PLCB4: variants seen among roughly 807,000 people sequenced by gnomAD.
The protein encoded by PLCB4 is 1-phosphatidylinositol 4,5-bisphosphate phosphodiesterase beta-4.
A neutral mutation model predicts 178.8 loss-of-function variants in PLCB4; 77 were observed. The ratio of observed to expected loss-of-function variants is 0.43; its 90% CI spans 0.36 to 0.52. The LOEUF (loss-of-function observed/expected upper bound fraction) is 0.52. PLCB4 is among the 20% of genes least tolerant of loss of function. The probability of loss-of-function intolerance (pLI) is 0.00; values close to 1 mark genes in which losing one functional copy is unlikely to be tolerated. For synonymous variants in PLCB4, 496 were observed against 490.8 expected, an observed-to-expected ratio of 1.01 and a Z score of -0.14; for missense variants, 1,024 against 1,453.4, an observed-to-expected ratio of 0.70 and a Z score of 4.80.
At chr20:9,349,348 C>T (rs2034120474) in intron 7 of PLCB4, among the ~76,000 whole-genome samples, 1 of 152,154 alleles carries the variant, frequency 6.6e-6, no homozygotes, top group South Asian at 2.1e-4. Context: ...TTTTATTCCC[C>T]ACACACTTTC....
chr20:9,406,987 G>C (rs1252199288), intron 21 of PLCB4, among the ~76,000 whole-genome samples: 2 of 152,018 alleles, frequency 1.3e-5, no homozygotes, highest in African/African-American at 4.8e-5. Flanking sequence ...TCTTTTTTCT[G>C]TATGCAAAGT....
intron 26 of PLCB4, among the ~76,000 whole-genome samples, chr20:9,420,220 G>T (rs989645323): frequency 2.6e-5 from 4 of 152,156 alleles, no homozygotes; most frequent in Non-Finnish European, 5.9e-5. Flanking sequence ...GGGAGGAATG[G>T]GTTACAAAAG....
chr20:9,141,952 C>T (rs73609438), intron 2 of PLCB4, among the ~76,000 whole-genome samples: 3,346 of 152,006 alleles, frequency 0.022, 107 homozygotes, highest in African/African-American at 0.075. Context: ...CTTTCACACA[C>T]CAAAGGCAGT....
chr20:9,443,841 A>T lies in PLCB4; in HGVS notation c.2765-140A>T, dbSNP rs1602771549. ...GTCCAGTTAATTGCTTTGTAATAGG[A>T]ACTTAAGATGTTTATATTCATCATA... On this transcript the variant is annotated intron_variant, in intron 30 of 39. Coordinates refer to ENST00000378473, the MANE Select transcript of PLCB4 (RefSeq NM_001377142.1). 1.9e-5 allele frequency: 11 copies of T among 574,408 alleles called. No individual in the cohort carries two copies. The East Asian group carries it at 2.9e-4, about 15-fold the overall frequency. The allele number at this position is 574,408 out of a possible 1,614,324, so 35.6% of individuals were successfully genotyped here. A position where few individuals can be genotyped will look rare whatever the true frequency, so the allele number is the denominator to read the frequency against.
chr20:9,347,629 T>A (rs1221116472), intron 7 of PLCB4, among the ~76,000 whole-genome samples: 1 of 152,208 alleles, frequency 6.6e-6, no homozygotes, highest in Non-Finnish European at 1.5e-5. Context: ...TCCTCATTTG[T>A]TAAAGAAAGG....
At position 9,389,919 on chromosome 20, in the gene PLCB4, C is replaced by A; in HGVS notation, c.1199C>A (p.Ser400Ter). 6.3e-7 allele frequency: 1 copy of A among 1,583,304 alleles called. No individual in the cohort carries two copies. Reference sequence around the variant, plus strand: ...ATCAAGGAAACTGCATTTGTCACATCAGAATATCCTGTAATTCTCTCCTTT... The same window carrying A: ...ATCAAGGAAACTGCATTTGTCACATAAGAATATCCTGTAATTCTCTCCTTT... ...QAIKETAFVT[S>*]EYPVILSFEN... The change falls in exon 16 of 40, where the codon TCA (serine) becomes TAA (stop). Residue 400 changes from serine (S) to a stop codon, truncating the protein, a stop_gained. Coordinates refer to ENST00000378473, the MANE Select transcript of PLCB4 (RefSeq NM_001377142.1). LOFTEE classifies it high-confidence loss of function.
intron 3 of PLCB4, among the ~76,000 whole-genome samples, chr20:9,227,402 T>C (rs1207139116): frequency 6.6e-6 from 1 of 152,168 alleles, no homozygotes; most frequent in African/African-American, 2.4e-5. Context: ...AGAATCCAAG[T>C]TTATGAAGAA....
chr20:9,082,440 C>T (rs2090199528), intron 1 of PLCB4, among the ~76,000 whole-genome samples: 1 of 152,094 alleles, frequency 6.6e-6, no homozygotes, highest in Admixed American at 6.5e-5. Context: ...CTTCACCAGG[C>T]CCCCCTCCCC....
chr20:9,155,050 C>A (rs1271618900), intron 2 of PLCB4, among the ~76,000 whole-genome samples: 2 of 151,650 alleles, frequency 1.3e-5, no homozygotes, highest in East Asian at 3.9e-4. Context: ...ACCTATCACA[C>A]AAGCAGTGTA....
In PLCB4 at chr20:9,469,721, G is replaced by A. The variant is rs1236848642; in HGVS notation, c.3350+1049G>A. On this transcript the variant is annotated intron_variant, in intron 36 of 39. Transcript: ENST00000378473. ...TTTCCATATTAGGCAGTCATTGGCC[G>A]CCTGAGACTGGGGGGAAGGTTTGTG... Among the ~76,000 whole-genome samples, 5 of 152,196 alleles carry A rather than the reference G, an allele frequency of 3.3e-5. No individual in the cohort carries two copies. The South Asian group carries it at 6.2e-4, about 19-fold the overall frequency.
chr20:9,461,654 G>C (rs1327914565), intron 35 of PLCB4, among the ~76,000 whole-genome samples: 1 of 152,246 alleles, frequency 6.6e-6, no homozygotes, highest in African/African-American at 2.4e-5. Flanking sequence ...CAGGCTCACT[G>C]CTAGTGCAGC....
intron 19 of PLCB4, among the ~76,000 whole-genome samples, chr20:9,397,018 A>G (rs2038642306): frequency 6.6e-6 from 1 of 152,204 alleles, no homozygotes; most frequent in African/African-American, 2.4e-5. Context: ...TTCTTTTCAC[A>G]AAAGATTTCT....
At chr20:9,239,802 C>T (rs2094036701) in intron 3 of PLCB4, among the ~76,000 whole-genome samples, 1 of 152,170 alleles carries the variant, frequency 6.6e-6, no homozygotes, top group African/African-American at 2.4e-5. Flanking sequence ...GTGCAGTCTT[C>T]AGTCTGTGGC....
At position 9,370,380 on chromosome 20, in the gene PLCB4, A is replaced by G. The variant is rs187753689; in HGVS notation, c.504-834A>G. Among the ~76,000 whole-genome samples the G allele has an allele frequency of 4.6e-5, 7 of 152,250 alleles. No homozygotes were observed. In the East Asian group the frequency reaches 1.2e-3, roughly 25 times the overall value. ...GGGGCTCAAGGGTGCTTAGCTTGAA[A>G]ACAAGAACAAAATATGTCTGATCAC... On this transcript the variant is annotated intron_variant, in intron 9 of 39. Transcript: ENST00000378473.
intron 2 of PLCB4, among the ~76,000 whole-genome samples, chr20:9,117,326 T>A (rs752587502): frequency 4.6e-5 from 7 of 152,232 alleles, no homozygotes; most frequent in Non-Finnish European, 1.0e-4. Context: ...AACATATTTT[T>A]ACAGCTCAGG....
Position 9,419,869 on chromosome 20 carries a change from C to T in PLCB4, c.2114C>T (p.Thr705Ile). ...CGAACATTTGACCCCTTCTCTGAAA[C>T]TCCTGTTGATGGTGTTATTGCAGCC... ...PDRTFDPFSE[T>I]PVDGVIAATC... Residue 705 changes from threonine (T) to isoleucine (I), a missense_variant, in exon 26 of 40, where the codon ACT (threonine) becomes ATT (isoleucine). This residue lies in a region of PLCB4 where 227 missense variants were observed against 374.3 expected (regional missense o/e 0.61). Coordinates refer to ENST00000378473, the MANE Select transcript of PLCB4 (RefSeq NM_001377142.1). 6.2e-7 allele frequency: 1 copy of T among 1,614,084 alleles called. No homozygotes were observed. The highest frequency in any genetic ancestry group is 8.5e-7 in the Non-Finnish European group (1 of 1,179,918).
At chr20:9,187,286 TA>T (rs2093342280) in intron 2 of PLCB4, among the ~76,000 whole-genome samples, 1 of 152,078 alleles carries the variant, frequency 6.6e-6, no homozygotes, top group Admixed American at 6.6e-5. Flanking sequence ...CTTGTCACTT[TA>T]AAACACAGCC....
intron 27 of PLCB4, 31 bp from the exon 28 acceptor site, chr20:9,423,717 A>G: frequency 6.3e-7 from 1 of 1,583,602 alleles, no homozygotes. Flanking sequence ...CTGCATTGGA[A>G]AAATCAGTGA....
intron 17 of PLCB4, 49 bp from the exon 18 acceptor site, chr20:9,393,539 T>A (rs751190566): frequency 2.4e-6 from 3 of 1,260,962 alleles, no homozygotes; most frequent in African/African-American, 3.0e-5. Flanking sequence ...GGAAGGAGAA[T>A]GGAGAAGCAC....
Sources: allele counts gnomAD v4.1 joint callset (sites outside exome capture counted in the v4.1 genomes callset), GRCh38; gene constraint gnomAD v4.1.1; regional missense constraint gnomAD v4.1.1; transcripts MANE v1.5; gene names NCBI Gene and HGNC (gene_info 2026-07-23, HGNC 2026-07-21).